CCNB3: variants seen among roughly 807,000 people sequenced by gnomAD.
CCNB3 encodes the protein G2/mitotic-specific cyclin-B3.
CCNB3 carries 12 observed loss-of-function variants against 68.0 expected under a neutral mutation model. The ratio of observed to expected loss-of-function variants is 0.18; its 90% CI spans 0.11 to 0.29. The LOEUF is 0.29. CCNB3 is among the 10% of genes least tolerant of loss of function. The pLI is 1.00. For missense variants in CCNB3, 904 were observed against 993.1 expected, an observed-to-expected ratio of 0.91 and a Z score of 1.21; for synonymous variants, 354 against 388.9, an observed-to-expected ratio of 0.91 and a Z score of 1.06.
intron 11 of CCNB3, among the ~76,000 whole-genome samples, chrX:50,350,357 TTAAC>T (rs1923612916): frequency 9.0e-6 from 1 of 111,580 alleles, no homozygotes; most frequent in Non-Finnish European, 1.9e-5. Context: ...AAGAGGTTAA[TTAAC>T]TGGCTCAAGG....
At chrX:50,312,229 A>C (rs1921501529) in intron 6 of CCNB3, among the ~76,000 whole-genome samples, 1 of 111,438 alleles carries the variant, frequency 9.0e-6, no homozygotes, top group Non-Finnish European at 1.9e-5. Context: ...CTAAGAAGAC[A>C]GGTAACAAAG....
intron 1 of CCNB3, among the ~76,000 whole-genome samples, chrX:50,279,725 A>AAT (rs1309353385): frequency 6.6e-5 from 6 of 90,612 alleles, no homozygotes; most frequent in East Asian, 6.6e-4. Flanking sequence ...CATATATGTA[A>AAT]ATATATATGA....
chrX:50,347,493 G>A (rs782247552), intron 10 of CCNB3, 133 bp from the exon 11 acceptor site: 9 of 539,854 alleles, frequency 1.7e-5, no homozygotes, highest in African/African-American at 1.6e-4. Flanking sequence ...AGTGAGTTAC[G>A]GTTGCAGGAG....
chrX:50,332,021 C>T (rs781959306), intron 8 of CCNB3, among the ~76,000 whole-genome samples: 103 of 111,778 alleles, frequency 9.2e-4, no homozygotes, highest in African/African-American at 3.2e-3. Context: ...CATTCATTTA[C>T]ACACAGTCCT....
intron 1 of CCNB3, among the ~76,000 whole-genome samples, chrX:50,228,693 T>G (rs1157328359): frequency 1.2e-5 from 1 of 80,172 alleles, no homozygotes; most frequent in African/African-American, 5.0e-5. Flanking sequence ...AATATATACA[T>G]AGAATATATA....
At chrX:50,312,997 G>A (rs1557215292) in intron 7 of CCNB3, among the ~76,000 whole-genome samples, 1 of 110,861 alleles carries the variant, frequency 9.0e-6, no homozygotes, top group Non-Finnish European at 1.9e-5. Flanking sequence ...ACACAAAAAT[G>A]GTCAAGTAGT....
intron 1 of CCNB3, among the ~76,000 whole-genome samples, chrX:50,282,783 A>G (rs1160188988): frequency 3.6e-5 from 4 of 111,521 alleles, no homozygotes; most frequent in Non-Finnish European, 7.5e-5. Flanking sequence ...TCTGAGATTT[A>G]GTTAACCTGT....
chrX:50,340,967 C>T (rs12007845), intron 8 of CCNB3, among the ~76,000 whole-genome samples: 5,958 of 111,284 alleles, frequency 0.054, 364 homozygotes, highest in African/African-American at 0.18. Flanking sequence ...ATACAACATA[C>T]GAAAACCTAT....
At chrX:50,337,590 T>C (rs1287119166) in intron 8 of CCNB3, among the ~76,000 whole-genome samples, 2 of 111,362 alleles carry the variant, frequency 1.8e-5, no homozygotes, top group Non-Finnish European at 3.8e-5. Context: ...CTGGCCAGTC[T>C]ATCTCACACA....
At chrX:50,284,401 G>A (rs773814125) in intron 1 of CCNB3, 141 bp from the exon 2 acceptor site, 1 of 112,066 alleles carries the variant, frequency 8.9e-6, no homozygotes, top group East Asian at 2.8e-4. Context: ...CTGCTATAAA[G>A]TGCCATGGAC....
chrX:50,304,793 C>G (rs1936726016), intron 5 of CCNB3, among the ~76,000 whole-genome samples: 1 of 111,398 alleles, frequency 9.0e-6, no homozygotes. Context: ...ACAATGAACT[C>G]AAACAAATTT....
chrX:50,346,140 A>T (rs4826651), intron 9 of CCNB3, among the ~76,000 whole-genome samples: 1,635 of 112,194 alleles, frequency 0.015, 27 homozygotes, highest in Admixed American at 0.062. Context: ...GTCTCTGCTT[A>T]GGTTCCCTCT....
At chrX:50,205,503 G>T (rs1340820262) in intron 1 of CCNB3, among the ~76,000 whole-genome samples, 1 of 111,266 alleles carries the variant, frequency 9.0e-6, no homozygotes, top group Non-Finnish European at 1.9e-5. Flanking sequence ...CTGCCCTGCA[G>T]ATAGTGTATC....
chrX:50,320,419 A>T (rs1921956076), intron 8 of CCNB3, among the ~76,000 whole-genome samples: 1 of 110,084 alleles, frequency 9.1e-6, no homozygotes, highest in Non-Finnish European at 1.9e-5. Flanking sequence ...AGAGTTTTTC[A>T]TAGTGTTCCC....
At chrX:50,204,531 G>A (rs1464038544), upstream of CCNB3, 1 of 109,491 alleles carries the variant, frequency 9.1e-6, no homozygotes, top group Non-Finnish European at 1.9e-5. Flanking sequence ...GTGTGTGTGT[G>A]TGGTGATTAG....
At chrX:50,301,462 C>A (rs1341172290) in intron 5 of CCNB3, among the ~76,000 whole-genome samples, 1 of 111,675 alleles carries the variant, frequency 9.0e-6, no homozygotes, top group Non-Finnish European at 1.9e-5. Flanking sequence ...ATTGGTGAAC[C>A]GCAAATGTTG....
rs782746497 is a variant in CCNB3, at chrX:50,311,342, A to G, written c.3173A>G (p.Tyr1058Cys). 1.8e-5 allele frequency: 22 copies of G among 1,209,061 alleles called. No individual in the cohort carries two copies. The highest frequency in any genetic ancestry group is 1.3e-4 in the Admixed American group (6 of 45,659). Reference sequence around the variant, plus strand: ...ATCCCCCAAATTGGAACCAGCCCATATGTGTTTAGCACCACCCCTGAATCC... The same window carrying G: ...ATCCCCCAAATTGGAACCAGCCCATGTGTGTTTAGCACCACCCCTGAATCC... ...FLIPQIGTSP[Y>C]VFSTTPESIT... is the part of the protein sequence containing the mutation. Residue 1058 changes from tyrosine to cysteine, a missense_variant, in exon 6 of 13, where the codon TAT (tyrosine) becomes TGT (cysteine). This residue lies in a region of CCNB3 where 285 missense variants were observed against 383.4 expected (regional missense o/e 0.74). Transcript: ENST00000376042.
chrX:50,323,023 G>A (rs2147078064), intron 8 of CCNB3, among the ~76,000 whole-genome samples: 1 of 111,768 alleles, frequency 8.9e-6, no homozygotes, highest in East Asian at 2.8e-4. Flanking sequence ...ATTCCTCAGG[G>A]ATCTAGAACT....
In CCNB3 at chrX:50,280,183, A is replaced by G. The variant is rs1449205912; in HGVS notation, c.-112-4359A>G. On this transcript the variant is annotated intron_variant, in intron 1 of 12. Transcript: ENST00000376042. ...ATAAATATATATAGAATATATATATAAATATATATAGAACATATAAATATA... is the reference window on the plus strand; with the variant it reads ...ATAAATATATATAGAATATATATATGAATATATATAGAACATATAAATATA... Among the ~76,000 whole-genome samples the G allele has an allele frequency of 5.4e-5, 5 of 93,113 alleles. No individual in the cohort carries two copies. The East Asian group carries it at 1.6e-3, about 30-fold the overall frequency. The allele number at this position is 93,113 out of a possible 115,157, so 80.9% of individuals were successfully genotyped here. A position where few individuals can be genotyped will look rare whatever the true frequency, so the allele number is the denominator to read the frequency against.
Sources: allele counts gnomAD v4.1 joint callset (sites outside exome capture counted in the v4.1 genomes callset), GRCh38; gene constraint gnomAD v4.1.1; regional missense constraint gnomAD v4.1.1; transcripts MANE v1.5; gene names NCBI Gene and HGNC (gene_info 2026-07-23, HGNC 2026-07-21).